The following DYM variants were observed in gnomAD, a reference collection of about 807,000 sequenced individuals.
The protein encoded by DYM is dymeclin.
In DYM, 78 loss-of-function variants were observed where a neutral mutation model predicts 93.1. The ratio of observed to expected loss-of-function variants is 0.84; its 90% confidence interval spans 0.70 to 1.01. The LOEUF (loss-of-function observed/expected upper bound fraction) is 1.01, where lower values mean the gene tolerates loss of function less well. Ranked by LOEUF, DYM falls within the 50% of genes least tolerant of loss-of-function variation. DYM has a pLI of 0.00. For synonymous variants in DYM, 321 were observed against 319.7 expected (o/e 1.00, Z -0.04); for missense variants, 789 against 845.0 (o/e 0.93, Z 0.82).
chr18:49,221,985 AT>A (rs1206002754), intron 13 of DYM, among the ~76,000 whole-genome samples: 2 of 65,180 alleles, frequency 3.1e-5, no homozygotes, highest in South Asian at 4.1e-4. Flanking sequence ...CTGTTATTTT[AT>A]AAAAAAAAAA....
chr18:49,217,025 A>G lies in DYM; in HGVS notation c.1461-7310T>C, dbSNP rs372008882. On this transcript the variant is annotated intron_variant, in intron 13 of 17. Coordinates refer to ENST00000675505, the MANE Select transcript of DYM (RefSeq NM_001353214.3). Reference sequence around the variant, plus strand: ...CTTCGAAAAAAATTTAGACGAATGTATAACTAGAATAATCAATAGAGAGAA... The same window carrying G: ...CTTCGAAAAAAATTTAGACGAATGTGTAACTAGAATAATCAATAGAGAGAA... Among the ~76,000 whole-genome samples the G allele has an allele frequency of 6.6e-5, 10 of 152,324 alleles. No individual in the cohort carries two copies. In the East Asian group the frequency reaches 1.9e-3, roughly 29 times the overall value.
chr18:49,158,562 C>T (rs2086700064), intron 15 of DYM, among the ~76,000 whole-genome samples: 1 of 152,186 alleles, frequency 6.6e-6, no homozygotes, highest in African/African-American at 2.4e-5. Flanking sequence ...TTACCTACCC[C>T]AGCCTTTAAA....
At chr18:49,195,975 G>C (rs537806252) in intron 14 of DYM, among the ~76,000 whole-genome samples, 1 of 127,860 alleles carries the variant, frequency 7.8e-6, no homozygotes, top group African/African-American at 3.1e-5. Flanking sequence ...CCAACTTGGA[G>C]TGCAGTGGTG....
chr18:49,171,648 A>T (rs2088743387), intron 14 of DYM, among the ~76,000 whole-genome samples: 1 of 152,180 alleles, frequency 6.6e-6, no homozygotes, highest in African/African-American at 2.4e-5. Flanking sequence ...TCTCACACCA[A>T]GTGTCATGCT....
chr18:49,423,821 CAT>C (rs2073984663), intron 2 of DYM, among the ~76,000 whole-genome samples: 2 of 152,186 alleles, frequency 1.3e-5, no homozygotes, highest in African/African-American at 4.8e-5. Context: ...TTCCTGGACA[CAT>C]ACACCCTCCC....
intron 14 of DYM, among the ~76,000 whole-genome samples, chr18:49,200,575 A>G (rs2091907674): frequency 6.6e-6 from 1 of 151,856 alleles, no homozygotes; most frequent in Non-Finnish European, 1.5e-5. Context: ...GATAGGATAT[A>G]GTTTATTTGA....
intron 2 of DYM, among the ~76,000 whole-genome samples, chr18:49,419,253 G>C (rs893264953): frequency 2.2e-4 from 33 of 152,150 alleles, no homozygotes; most frequent in Admixed American, 9.8e-4. Flanking sequence ...CCAGCTACTC[G>C]GAAGCCTGAG....
intron 1 of DYM, among the ~76,000 whole-genome samples, chr18:49,459,923 G>A (rs1019480593): frequency 6.8e-6 from 1 of 146,444 alleles, no homozygotes; most frequent in Non-Finnish European, 1.5e-5. Context: ...TGGGGCGGGG[G>A]GGGCGGTGAT....
chr18:49,183,721 G>C (rs770744473), intron 14 of DYM, among the ~76,000 whole-genome samples: 1 of 152,048 alleles, frequency 6.6e-6, no homozygotes, highest in African/African-American at 2.4e-5. Flanking sequence ...AATAATTTGG[G>C]ATGCACAGTG....
chr18:49,348,310 A>G (rs1344208588), intron 6 of DYM, among the ~76,000 whole-genome samples: 1 of 152,308 alleles, frequency 6.6e-6, no homozygotes, highest in East Asian at 1.9e-4. Flanking sequence ...CTAGGAGTCA[A>G]ATATGGGGAA....
intron 8 of DYM, among the ~76,000 whole-genome samples, chr18:49,292,842 ATACTTT>A (rs1399726627): frequency 6.6e-6 from 1 of 152,096 alleles, no homozygotes; most frequent in East Asian, 1.9e-4. Context: ...TATTATTATT[ATACTTT>A]AAGTTATGGG....
At chr18:49,108,777 CTGTT>C (rs2081119251) in intron 16 of DYM, among the ~76,000 whole-genome samples, 2 of 152,306 alleles carry the variant, frequency 1.3e-5, no homozygotes, top group South Asian at 4.1e-4. Flanking sequence ...CACAAATTTT[CTGTT>C]TATTTGCTGT....
intron 17 of DYM, among the ~76,000 whole-genome samples, chr18:49,053,838 G>A (rs1454798509): frequency 1.3e-5 from 2 of 152,202 alleles, no homozygotes; most frequent in African/African-American, 4.8e-5. Context: ...CTAAACAGGA[G>A]GCATTTGCTT....
intron 17 of DYM, among the ~76,000 whole-genome samples, chr18:49,084,828 G>C (rs949781233): frequency 7.9e-5 from 12 of 152,136 alleles, no homozygotes; most frequent in African/African-American, 2.9e-4. Context: ...TTTATGAAAA[G>C]GTCAGAATTG....
chr18:49,081,928 G>A (rs926837665), intron 17 of DYM, among the ~76,000 whole-genome samples: 1 of 152,224 alleles, frequency 6.6e-6, no homozygotes, highest in African/African-American at 2.4e-5. Flanking sequence ...TCCTCCAAGT[G>A]AAGAATGCAC....
Position 49,430,454 on chromosome 18 carries a change from A to G in DYM, c.-53-7T>C. On this transcript the variant is annotated splice_polypyrimidine_tract_variant and splice_region_variant and intron_variant, in intron 1 of 17. Transcript: ENST00000675505. ...TGCATTTCCAAAAGACAACCTATAA[A>G]AAATAAAAATAAAAACTTTAAACTT... 6.3e-7 allele frequency: 1 copy of G among 1,597,774 alleles called. No individual in the cohort carries two copies. The highest frequency in any genetic ancestry group is 8.5e-7 in the Non-Finnish European group (1 of 1,174,400).
intron 13 of DYM, among the ~76,000 whole-genome samples, chr18:49,236,373 G>C (rs781728728): frequency 6.6e-6 from 1 of 151,944 alleles, no homozygotes; most frequent in Non-Finnish European, 1.5e-5. Context: ...CTAGCTACTC[G>C]AGAGGCTGAG....
chr18:49,391,145 C>A (rs2147884390), intron 3 of DYM, among the ~76,000 whole-genome samples: 1 of 152,290 alleles, frequency 6.6e-6, no homozygotes, highest in Non-Finnish European at 1.5e-5. Context: ...GAAATTAAGG[C>A]TCAGCTAATA....
chr18:49,067,167 AGCAC>A (rs2076466859), intron 17 of DYM, among the ~76,000 whole-genome samples: 1 of 77,222 alleles, frequency 1.3e-5, no homozygotes, highest in Non-Finnish European at 2.8e-5. Flanking sequence ...GGGTGATGTG[AGCAC>A]TATGGAGGTT....
Sources: allele counts gnomAD v4.1 joint callset (sites outside exome capture counted in the v4.1 genomes callset), GRCh38; gene constraint gnomAD v4.1.1; transcripts MANE v1.5; gene names NCBI Gene and HGNC (gene_info 2026-07-23, HGNC 2026-07-21).